DENND4B: variants seen among roughly 807,000 people sequenced by gnomAD.
The protein encoded by DENND4B is DENN domain containing 4B.
Under a neutral mutation model 161.0 loss-of-function variants are expected in DENND4B, and 67 were observed. The observed-to-expected ratio is 0.42, with a 90% CI of 0.34 to 0.51. DENND4B has a LOEUF of 0.51. Ranked by LOEUF, DENND4B falls within the 20% of genes least tolerant of loss-of-function variation. The probability of loss-of-function intolerance (pLI) is 0.08; values close to 1 mark genes in which losing one functional copy is unlikely to be tolerated. For missense variants in DENND4B, 1,481 were observed against 1,968.0 expected (o/e 0.75, Z 4.68); for synonymous variants, 753 against 813.8 (o/e 0.93, Z 1.27).
At position 153,936,630 on chromosome 1, in the gene DENND4B, C is replaced by A. The variant is rs556363750; in HGVS notation, c.2351G>T (p.Arg784Leu). 11 of 1,613,446 alleles carry A rather than the reference C, an allele frequency of 6.8e-6. No homozygotes were observed. Among genetic ancestry groups the A allele is most frequent in the Non-Finnish European group, 9.3e-6 (11 of 1,179,598 alleles). ...LWFLCLPAYV[R>L]SAPSRVQALH... ...TGCCTGCACTCGGGAGGGTGCCGAC[C>A]GCACATAGGCAGGCAGACACAGGAA... The change falls in exon 16 of 28, where the codon CGG (arginine) becomes CTG (leucine). Residue 784 changes from arginine to leucine, a missense_variant. Arg to Leu is a moderately radical substitution (Grantham distance 102). Transcript: ENST00000361217. The surrounding 1 kb of genome is among the most constrained non-coding windows in gnomAD (Gnocchi z 4.1).
At chr1:153,945,116 A>T in intron 1 of DENND4B, 1 of 1,289,414 alleles carries the variant, frequency 7.8e-7, no homozygotes, top group Non-Finnish European at 1.0e-6. Flanking sequence ...AAACAGGCCC[A>T]CAACAGCCTA....
chr1:153,941,132 G>T, intron 8 of DENND4B, 84 bp from the exon 9 acceptor site: 1 of 1,570,262 alleles, frequency 6.4e-7, no homozygotes, highest in South Asian at 1.2e-5. Context: ...CCACCACCTG[G>T]ACCCAGCCTG....
rs1422175784 is a variant in DENND4B, at chr1:153,932,615, C to T, written c.3759+27G>A. 1.2e-6 allele frequency: 2 copies of T among 1,601,144 alleles called. No homozygotes were observed. Among genetic ancestry groups the T allele is most frequent in the African/African-American group, 1.3e-5 (1 of 74,688 alleles). On this transcript the variant is annotated intron_variant, in intron 23 of 27. Coordinates refer to ENST00000361217, the MANE Select transcript of DENND4B (RefSeq NM_014856.3). This position sits in a 1 kb window ranked among gnomAD's most constrained non-coding sequence, Gnocchi z 5.8. ...CCCACACAGGGCAACATTCCCGTTC[C>T]TCATGCCCCTTTGGCCCAGCCCTTA...
rs769285202 is a variant in DENND4B at position 153,943,011 on chromosome 1, G to A, written c.437C>T (p.Thr146Ile). ...TGCCCCCTCTGCTGCCCGCCGGTAA[G>A]TGAGGTAGGTGCGGGGGTGCCCGGG... ...PGPGHPRTYL[T>I]YRRAAEGAGL... The change falls in exon 3 of 28, where the codon ACT becomes ATT. Residue 146 changes from threonine to isoleucine, a missense_variant. Transcript: ENST00000361217. 12 of 1,613,922 alleles carry A rather than the reference G, an allele frequency of 7.4e-6. No individual in the cohort carries two copies. The highest frequency in any genetic ancestry group is 1.7e-6 in the Non-Finnish European group (2 of 1,179,894).
At chr1:153,941,510 GCT>G (rs1453631955) in intron 6 of DENND4B, 70 bp from the exon 7 acceptor site, 6 of 1,501,254 alleles carry the variant, frequency 4.0e-6, no homozygotes, top group Non-Finnish European at 5.4e-6. Flanking sequence ...CATTTTCTCA[GCT>G]CTTTCACTTG....
chr1:153,937,413 G>A lies in DENND4B; in HGVS notation c.2232+75C>T. ...TAAGTATTATTGTTATACCCATTTTGTAGATGAGGAAACTGAAGCAGCAGC... is the reference window on the plus strand; with the variant it reads ...TAAGTATTATTGTTATACCCATTTTATAGATGAGGAAACTGAAGCAGCAGC... On this transcript the variant is annotated intron_variant, in intron 15 of 27. Coordinates refer to ENST00000361217, the MANE Select transcript of DENND4B (RefSeq NM_014856.3). The surrounding 1 kb of genome is among the most constrained non-coding windows in gnomAD (Gnocchi z 4.7). 3 of 1,454,762 alleles carry A rather than the reference G, an allele frequency of 2.1e-6. No homozygotes were observed. Among genetic ancestry groups the A allele is most frequent in the Admixed American group, 2.8e-5 (1 of 35,800 alleles). 90.1% of individuals were successfully genotyped at this position (1,454,762 alleles called of 1,614,324 possible). A position where few individuals can be genotyped will look rare whatever the true frequency, so the allele number is the denominator to read the frequency against.
Position 153,942,846 on chromosome 1 carries a change from A to G in DENND4B, c.570+32T>C. The G allele has an allele frequency of 6.4e-7, 1 of 1,570,086 alleles. No homozygotes were observed. Among genetic ancestry groups the G allele is most frequent in the Non-Finnish European group, 8.7e-7 (1 of 1,153,908 alleles). ...TGTCCACACCCACTCTTACACCAAGAGGACCAGGTGTCAGCTCTTGGCCCC... is the reference window on the plus strand; with the variant it reads ...TGTCCACACCCACTCTTACACCAAGGGGACCAGGTGTCAGCTCTTGGCCCC... On this transcript the variant is annotated intron_variant, in intron 3 of 27. Transcript: ENST00000361217. This position sits in a 1 kb window ranked among gnomAD's most constrained non-coding sequence, Gnocchi z 6.9.
chr1:153,933,603 G>A lies in DENND4B; in HGVS notation c.3210C>T (p.His1070=). The change falls in exon 20 of 28, where the codon CAC becomes CAT. Residue 1070 remains histidine (H), a synonymous_variant. Transcript: ENST00000361217. This position sits in a 1 kb window ranked among gnomAD's most constrained non-coding sequence, Gnocchi z 5.7. ...GTGGGGGAATGCGGGAGGCAGGGGA[G>A]TGGCGGGAAGGAGTGAGCAGCTGTT... is the stretch of plus-strand genomic sequence containing the variant. ...RLQQLLTPSR[H]SPASRIPPPE... 1 of 1,552,040 alleles carries A rather than the reference G, an allele frequency of 6.4e-7. No individual in the cohort carries two copies. The highest frequency in any genetic ancestry group is 2.0e-5 in the Admixed American group (1 of 50,068).
rs775589563 is a variant in DENND4B at position 153,942,856 on chromosome 1, G to A, written c.570+22C>T. On this transcript the variant is annotated intron_variant, in intron 3 of 27. Coordinates refer to ENST00000361217, the MANE Select transcript of DENND4B (RefSeq NM_014856.3). This position sits in a 1 kb window ranked among gnomAD's most constrained non-coding sequence, Gnocchi z 6.9. ...CACTCTTACACCAAGAGGACCAGGT[G>A]TCAGCTCTTGGCCCCACTCACCATG... 6.3e-7 allele frequency: 1 copy of A among 1,579,878 alleles called. No individual in the cohort carries two copies. The highest frequency in any genetic ancestry group is 8.6e-7 in the Non-Finnish European group (1 of 1,158,686).
At position 153,937,789 on chromosome 1, in the gene DENND4B, A is replaced by G. The variant is rs1246519133; in HGVS notation, c.2040T>C (p.Thr680=). 6.8e-6 allele frequency: 11 copies of G among 1,614,002 alleles called. No homozygotes were observed. Among genetic ancestry groups the G allele is most frequent in the South Asian group, 1.1e-5 (1 of 91,084 alleles). ...ELEELSGSEL[T]VFITPPEEPA... is the part of the protein sequence containing the mutation. ...GCTCCTCGGGAGGTGTGATAAAGAC[A>G]GTGAGCTCACTTCCTGACAGCTCCT... The change falls in exon 14 of 28, where the codon ACT becomes ACC. Residue 680 remains threonine (T), a synonymous_variant. Coordinates refer to ENST00000361217, the MANE Select transcript of DENND4B (RefSeq NM_014856.3). The surrounding 1 kb of genome is among the most constrained non-coding windows in gnomAD (Gnocchi z 4.7).
Position 153,932,720 on chromosome 1 carries a change from A to G in DENND4B, c.3681T>C (p.Gly1227=). ...ASGSKDAPVP[G]GPGPVLSDRR... is the part of the protein sequence containing the mutation. Reference sequence around the variant, plus strand: ...GGTCACTGAGCACAGGGCCAGGACCACCAGGGACAGGAGCATCTTTGCTGC... The same window carrying G: ...GGTCACTGAGCACAGGGCCAGGACCGCCAGGGACAGGAGCATCTTTGCTGC... Residue 1227 remains glycine, a synonymous_variant, in exon 23 of 28, where the codon GGT becomes GGC. Coordinates refer to ENST00000361217, the MANE Select transcript of DENND4B (RefSeq NM_014856.3). The surrounding 1 kb of genome is among the most constrained non-coding windows in gnomAD (Gnocchi z 5.8). The G allele has an allele frequency of 6.2e-7, 1 of 1,614,058 alleles. No individual in the cohort carries two copies. The highest frequency in any genetic ancestry group is 1.1e-5 in the South Asian group (1 of 91,090).
rs1345562193 is a variant in DENND4B at position 153,934,353 on chromosome 1, CCT to C, written c.2774-53_2774-52del. The C allele has an allele frequency of 9.4e-5, 143 of 1,525,424 alleles. 1 individual carries two copies. Among genetic ancestry groups the C allele is most frequent in the Non-Finnish European group, 1.0e-4 (118 of 1,142,490 alleles). 94.5% of individuals were successfully genotyped at this position (1,525,424 alleles called of 1,614,324 possible). On this transcript the variant is annotated intron_variant, in intron 18 of 27. Transcript: ENST00000361217. This position sits in a 1 kb window ranked among gnomAD's most constrained non-coding sequence, Gnocchi z 5.3. ...AGGCGGCCAGCTAGGAACCCAGTCC[CCT>C]GTTCCAAAATAGAGCTCCTTAGATG...
rs956823185 is a variant in DENND4B, at chr1:153,934,637, G to A, written c.2773+123C>T. On this transcript the variant is annotated intron_variant, in intron 18 of 27. Transcript: ENST00000361217. This position sits in a 1 kb window ranked among gnomAD's most constrained non-coding sequence, Gnocchi z 5.3. Reference sequence around the variant, plus strand: ...TTTTATCCCTTTTGTTACCAGTCAAGTGTAATTTATCAATCCCCAGAAACC... The same window carrying A: ...TTTTATCCCTTTTGTTACCAGTCAAATGTAATTTATCAATCCCCAGAAACC... 6.9e-7 allele frequency: 1 copy of A among 1,456,052 alleles called. No homozygotes were observed. Among genetic ancestry groups the A allele is most frequent in the Non-Finnish European group, 9.1e-7 (1 of 1,093,724 alleles). The allele number at this position is 1,456,052 out of a possible 1,614,324, so 90.2% of individuals were successfully genotyped here. A position where few individuals can be genotyped will look rare whatever the true frequency, so the allele number is the denominator to read the frequency against.
intron 24 of DENND4B, among the ~76,000 whole-genome samples, chr1:153,931,457 C>A (rs1175665467): frequency 6.6e-6 from 1 of 151,886 alleles, no homozygotes; most frequent in Admixed American, 6.6e-5. Context: ...CGGCAAGGAT[C>A]CGAACCAGGT....
chr1:153,934,725 C>T lies in DENND4B; in HGVS notation c.2773+35G>A. 6.3e-7 allele frequency: 1 copy of T among 1,589,438 alleles called. No individual in the cohort carries two copies. The highest frequency in any genetic ancestry group is 8.6e-7 in the Non-Finnish European group (1 of 1,169,420). ...CTTTCCCTGCCTGAGCCCAGCTACT[C>T]CATCCCCAAGCCTGTCTCACCAGGC... On this transcript the variant is annotated intron_variant, in intron 18 of 27. Coordinates refer to ENST00000361217, the MANE Select transcript of DENND4B (RefSeq NM_014856.3). The surrounding 1 kb of genome is among the most constrained non-coding windows in gnomAD (Gnocchi z 5.3).
chr1:153,933,125 C>T lies in DENND4B; in HGVS notation c.3453+72G>A. On this transcript the variant is annotated intron_variant, in intron 21 of 27. Transcript: ENST00000361217. The surrounding 1 kb of genome is among the most constrained non-coding windows in gnomAD (Gnocchi z 5.7). ...CCAGCCCCTCCCACCTCCTCCCCAT[C>T]TCCTGCCTTGGACAGGGTGAGTGTG... The T allele has an allele frequency of 6.2e-7, 1 of 1,610,358 alleles. No individual in the cohort carries two copies. Among genetic ancestry groups the T allele is most frequent in the Non-Finnish European group, 8.5e-7 (1 of 1,177,504 alleles).
In DENND4B at chr1:153,937,598, C is replaced by G. The variant is rs1679424796; in HGVS notation, c.2122G>C (p.Glu708Gln). ...GACTCAAACAACTCAGCCCGTAGCT[C>G]TGGGAATCCATCATAGCTGGAGGGG... ...TPQYCYDGFP[E>Q]LRAELFESLQ... is the part of the protein sequence containing the mutation. The change falls in exon 15 of 28, where the codon GAG becomes CAG. Residue 708 changes from glutamate to glutamine, a missense_variant. By Grantham distance (29) the Glu-to-Gln change is conservative. Around this residue, in one of 3 missense-constraint regions of DENND4B, gnomAD observed 806 missense variants for 1,134.4 expected, o/e 0.71. Coordinates refer to ENST00000361217, the MANE Select transcript of DENND4B (RefSeq NM_014856.3). This position sits in a 1 kb window ranked among gnomAD's most constrained non-coding sequence, Gnocchi z 4.7. 6.2e-7 allele frequency: 1 copy of G among 1,612,702 alleles called. No homozygotes were observed. The highest frequency in any genetic ancestry group is 2.2e-5 in the East Asian group (1 of 44,872).
chr1:153,935,364 C>T (rs766905925), intron 17 of DENND4B: 53 of 173,620 alleles, frequency 3.1e-4, no homozygotes, highest in Non-Finnish European at 4.8e-4. Context: ...TCTTTTTTTT[C>T]GAGACGGAGT....
In DENND4B at chr1:153,942,429, G is replaced by A; in HGVS notation, c.641-73C>T. On this transcript the variant is annotated intron_variant, in intron 4 of 27. Transcript: ENST00000361217. The surrounding 1 kb of genome is among the most constrained non-coding windows in gnomAD (Gnocchi z 6.9). ...CAGACTCCAAGGGAAATGAACCAAGGGATCCCAGAGAAGGCCCGAGTAGCA... is the reference window on the plus strand; with the variant it reads ...CAGACTCCAAGGGAAATGAACCAAGAGATCCCAGAGAAGGCCCGAGTAGCA... The A allele has an allele frequency of 6.3e-7, 1 of 1,579,304 alleles. No individual in the cohort carries two copies. The highest frequency in any genetic ancestry group is 8.6e-7 in the Non-Finnish European group (1 of 1,162,386).
Sources: allele counts gnomAD v4.1 joint callset (sites outside exome capture counted in the v4.1 genomes callset), GRCh38; gene constraint gnomAD v4.1.1; regional missense constraint gnomAD v4.1.1; non-coding constraint Gnocchi (gnomAD v3.1); transcripts MANE v1.5; gene names NCBI Gene and HGNC (gene_info 2026-07-23, HGNC 2026-07-21).